Variants in NCALD observed in about 807,000 individuals in gnomAD.
NCALD encodes the protein neurocalcin-delta.
Under a neutral mutation model 18.6 loss-of-function variants are expected in NCALD, and 10 were observed. The observed-to-expected ratio is 0.54, with a 90% CI of 0.33 to 0.91. The LOEUF is 0.91. NCALD is among the 40% of genes least tolerant of loss of function. The pLI, the probability that NCALD is intolerant of heterozygous loss-of-function variation, is 0.03. For missense variants in NCALD, 184 were observed against 247.6 expected (o/e 0.74, Z 1.72); for synonymous variants, 88 against 87.4 (o/e 1.01, Z -0.04).
intron 1 of NCALD, among the ~76,000 whole-genome samples, chr8:102,094,989 C>G (rs939464719): frequency 2.0e-5 from 3 of 152,200 alleles, no homozygotes; most frequent in Non-Finnish European, 4.4e-5. Flanking sequence ...CTCCAGAGAA[C>G]TGTAAAGGAA....
At chr8:101,801,750 T>C (rs1221530824) in intron 4 of NCALD, among the ~76,000 whole-genome samples, 2 of 134,292 alleles carry the variant, frequency 1.5e-5, no homozygotes, top group Non-Finnish European at 3.1e-5. Flanking sequence ...CACTGCAAGC[T>C]CCGCCTCCCG....
Position 102,018,258 on chromosome 8 carries a change from A to G in NCALD, c.-157+1979T>C, listed in dbSNP as rs151206278. On this transcript the variant is annotated intron_variant, in intron 2 of 6. Coordinates refer to the NCALD transcript ENST00000311028. ...CCACTCCTAGTAATTTACCCAAGAGAAAGGAAAACATATGTCCACACAAAG... is the reference window on the plus strand; with the variant it reads ...CCACTCCTAGTAATTTACCCAAGAGGAAGGAAAACATATGTCCACACAAAG... 2.6e-5 allele frequency among the ~76,000 whole-genome samples: 4 copies of G among 152,316 alleles called. No homozygotes were observed. The East Asian group carries it at 7.7e-4, about 29-fold the overall frequency.
intron 2 of NCALD, among the ~76,000 whole-genome samples, chr8:102,003,807 G>A (rs928972866): frequency 2.5e-4 from 38 of 152,080 alleles, no homozygotes; most frequent in Non-Finnish European, 1.5e-4. Flanking sequence ...ATGCAGAAAA[G>A]GCCTTTGACA....
chr8:101,732,259 C>T (rs374341232), intron 1 of NCALD, among the ~76,000 whole-genome samples: 23 of 152,172 alleles, frequency 1.5e-4, no homozygotes, highest in African/African-American at 4.8e-4. Flanking sequence ...ACAAAACAGT[C>T]GGCCCTCATG....
At chr8:101,734,582 G>A (rs971446276) in intron 1 of NCALD, among the ~76,000 whole-genome samples, 4 of 152,040 alleles carry the variant, frequency 2.6e-5, no homozygotes, top group Admixed American at 6.5e-5. Context: ...ATTTTGCTGT[G>A]GCGCCAGCAT....
intron 1 of NCALD, among the ~76,000 whole-genome samples, chr8:101,738,945 C>T (rs1000653018): frequency 6.6e-6 from 1 of 152,128 alleles, no homozygotes; most frequent in African/African-American, 2.4e-5. Flanking sequence ...AGTTACCTCC[C>T]TCCACTTGAG....
At chr8:102,106,628 A>G (rs996706362) in intron 1 of NCALD, among the ~76,000 whole-genome samples, 1 of 152,002 alleles carries the variant, frequency 6.6e-6, no homozygotes, top group Non-Finnish European at 1.5e-5. Context: ...TTTCATATAC[A>G]AGGGCTGACA....
At chr8:102,052,532 G>T (rs1409520881) in intron 1 of NCALD, among the ~76,000 whole-genome samples, 1 of 152,224 alleles carries the variant, frequency 6.6e-6, no homozygotes, top group Admixed American at 6.5e-5. Context: ...AAGGTAAGGA[G>T]AGCTTGAAGT....
intron 2 of NCALD, among the ~76,000 whole-genome samples, chr8:101,961,705 T>C (rs1413625274): frequency 1.3e-5 from 2 of 152,264 alleles, no homozygotes; most frequent in South Asian, 2.1e-4. Context: ...GCTGGGATTA[T>C]AGGTGTGAGC....
At chr8:101,708,011 A>G (rs16868226) in intron 2 of NCALD, among the ~76,000 whole-genome samples, 1,640 of 152,330 alleles carry the variant, frequency 0.011, 35 homozygotes, top group African/African-American at 0.035. Flanking sequence ...TCGTCTTTAA[A>G]GTCAGAGCCC....
At chr8:101,762,690 C>T (rs761218662) in intron 1 of NCALD, among the ~76,000 whole-genome samples, 4 of 151,908 alleles carry the variant, frequency 2.6e-5, no homozygotes, top group Non-Finnish European at 5.9e-5. Flanking sequence ...TTCTCTCCCT[C>T]AGCCTCCCAA....
At chr8:102,001,809 T>C (rs943532523) in intron 2 of NCALD, among the ~76,000 whole-genome samples, 10 of 152,172 alleles carry the variant, frequency 6.6e-5, no homozygotes, top group African/African-American at 2.4e-4. Context: ...TAAAATACTT[T>C]ACAGACAAGC....
chr8:101,754,746 C>T (rs1321749011), intron 1 of NCALD, among the ~76,000 whole-genome samples: 1 of 151,990 alleles, frequency 6.6e-6, no homozygotes, highest in Non-Finnish European at 1.5e-5. Context: ...TCAAGGTCTC[C>T]AGGTAGTGAC....
rs1443015828 is a variant in NCALD, at chr8:101,689,375, T to C, written c.516A>G (p.Gly172=). The change falls in exon 4 of 4, where the codon GGA becomes GGG. Residue 172 remains glycine (G), a synonymous_variant. Coordinates refer to ENST00000220931, the MANE Select transcript of NCALD (RefSeq NM_032041.3). This position sits in a 1 kb window ranked among gnomAD's most constrained non-coding sequence, Gnocchi z 4.4. ...GKLSLEEFIR[G]AKSDPSIVRL... is the part of the protein sequence containing the mutation. ...GCACAATGGACGGGTCGCTTTTGGC[T>C]CCTCGGATGAACTCTTCCAGGGAGA... The C allele has an allele frequency of 6.2e-7, 1 of 1,611,930 alleles. No individual in the cohort carries two copies. The highest frequency in any genetic ancestry group is 1.1e-5 in the South Asian group (1 of 90,396).
chr8:102,122,140 G>A (rs1825961803), intron 1 of NCALD, among the ~76,000 whole-genome samples: 1 of 152,214 alleles, frequency 6.6e-6, no homozygotes, highest in African/African-American at 2.4e-5. Flanking sequence ...GTGCCATGCA[G>A]CCTGCTGGAA....
intron 1 of NCALD, among the ~76,000 whole-genome samples, chr8:101,762,407 T>C (rs934862504): frequency 5.3e-5 from 8 of 152,146 alleles, no homozygotes; most frequent in African/African-American, 1.9e-4. Flanking sequence ...CTTAAGAGAC[T>C]TAGGAAAAGG....
intron 2 of NCALD, among the ~76,000 whole-genome samples, chr8:102,011,307 T>A: frequency 6.6e-6 from 1 of 152,194 alleles, no homozygotes; most frequent in East Asian, 1.9e-4. Context: ...TCTCCTCTTA[T>A]CTTTTCAACC....
At position 101,687,549 on chromosome 8, in the gene NCALD, A is replaced by G. The variant is rs2129870410; in HGVS notation, c.*1760T>C. 1 of 152,614 alleles carries G rather than the reference A, an allele frequency of 6.6e-6. No homozygotes were observed. The highest frequency in any genetic ancestry group is 1.9e-4 in the East Asian group (1 of 5,186). 9.5% of individuals were successfully genotyped at this position (152,614 alleles called of 1,614,324 possible). ...ATACAAATTTGGATTTCTGCTGCCA[A>G]TTACAGCAGACTCAAGTCATATATA... On this transcript the variant is annotated 3_prime_UTR_variant, in exon 4 of 4. Coordinates refer to ENST00000220931, the MANE Select transcript of NCALD (RefSeq NM_032041.3).
At chr8:101,969,444 T>G (rs1003296424) in intron 2 of NCALD, among the ~76,000 whole-genome samples, 1 of 152,204 alleles carries the variant, frequency 6.6e-6, no homozygotes, top group Non-Finnish European at 1.5e-5. Flanking sequence ...TCAACATAAT[T>G]TTTAGCTTTT....
Sources: gnomAD v4.1 joint callset for allele counts (sites outside exome capture counted in the v4.1 genomes callset) on GRCh38, gnomAD v4.1.1 for gene constraint, Gnocchi (gnomAD v3.1) non-coding constraint, MANE v1.5 for transcripts, NCBI Gene and HGNC (gene_info 2026-07-23, HGNC 2026-07-21) for gene names.